AK7: variants seen among roughly 807,000 people sequenced by gnomAD.
The protein encoded by AK7 is adenylate kinase 7, also known as ATP-AMP transphosphorylase 7.
A neutral mutation model predicts 96.6 loss-of-function variants in AK7; 78 were observed. The ratio of observed to expected loss-of-function variants is 0.81; its 90% confidence interval spans 0.67 to 0.97. The LOEUF is 0.97. AK7 is among the 50% of genes least tolerant of loss of function. AK7 has a pLI of 0.00. For missense variants in AK7, 855 were observed against 887.9 expected (o/e 0.96, Z 0.47); for synonymous variants, 302 against 317.2 (o/e 0.95, Z 0.51).
intron 1 of AK7, among the ~76,000 whole-genome samples, chr14:96,395,965 C>T (rs111589202): frequency 0.018 from 2,659 of 151,874 alleles, 80 homozygotes; most frequent in African/African-American, 0.061. Flanking sequence ...GCATGTGCCA[C>T]CATGCCCAGC....
At chr14:96,450,920 G>A (rs1300522999) in intron 9 of AK7, among the ~76,000 whole-genome samples, 12 of 151,704 alleles carry the variant, frequency 7.9e-5, no homozygotes, top group Non-Finnish European at 1.3e-4. Flanking sequence ...GACTACGGGC[G>A]CCTGCCACCA....
At chr14:96,487,114 C>G (rs1293455674) in intron 17 of AK7, 58 bp downstream of exon 17, 70 of 1,575,246 alleles carry the variant, frequency 4.4e-5, no homozygotes, top group Non-Finnish European at 6.0e-5. Context: ...GCGGCTTACA[C>G]CTGTAATCCC....
At chr14:96,453,113 A>G (rs893462018) in intron 10 of AK7, among the ~76,000 whole-genome samples, 6 of 150,880 alleles carry the variant, frequency 4.0e-5, no homozygotes, top group African/African-American at 7.4e-5. Flanking sequence ...ATTCTCTTGG[A>G]AAAAAAAACA....
chr14:96,421,628 T>C (rs1355902890), intron 5 of AK7: 2 of 150,186 alleles, frequency 1.3e-5, no homozygotes, highest in African/African-American at 4.9e-5. Context: ...TTTTTTGAGA[T>C]GGAGTCTCGC....
rs745873941 is a variant in AK7 at position 96,449,844 on chromosome 14, C to G, written c.913C>G (p.Pro305Ala). 6.2e-7 allele frequency: 1 copy of G among 1,611,056 alleles called. No individual in the cohort carries two copies. Among genetic ancestry groups the G allele is most frequent in the Non-Finnish European group, 8.5e-7 (1 of 1,178,632 alleles). The change falls in exon 9 of 18, where the codon CCC becomes GCC. Residue 305 changes from proline to alanine, a missense_variant. Transcript: ENST00000267584. ...TGGCCCTGGGAAAATCCAGAAAATACCCAGAGAAAATGCATACCTAACCAA... is the reference window on the plus strand; with the variant it reads ...TGGCCCTGGGAAAATCCAGAAAATAGCCAGAGAAAATGCATACCTAACCAA... ...NTGPGKIQKI[P>A]RENAYLTKDL...
intron 10 of AK7, among the ~76,000 whole-genome samples, chr14:96,452,058 G>A (rs1422973302): frequency 1.3e-5 from 2 of 152,104 alleles, no homozygotes; most frequent in Non-Finnish European, 2.9e-5. Flanking sequence ...AGTGGTCAGA[G>A]GACTCACTGG....
At chr14:96,435,880 G>A (rs959484923) in intron 5 of AK7, among the ~76,000 whole-genome samples, 1 of 152,216 alleles carries the variant, frequency 6.6e-6, no homozygotes. Context: ...AGCACCCAGA[G>A]ATGCTCTCCT....
chr14:96,398,972 C>CT (rs1425062806), intron 2 of AK7: 2 of 146,316 alleles, frequency 1.4e-5, no homozygotes, highest in Non-Finnish European at 3.1e-5. Flanking sequence ...GAGTGGCCTT[C>CT]TCTCTTTTTT....
chr14:96,458,759 A>T (rs909186920), intron 12 of AK7, among the ~76,000 whole-genome samples: 1 of 151,086 alleles, frequency 6.6e-6, no homozygotes, highest in African/African-American at 2.4e-5. Context: ...AAAAAAAAAA[A>T]AATTAGCTGA....
chr14:96,404,644 C>T, intron 2 of AK7, 113 bp from the exon 3 acceptor site: 1 of 525,980 alleles, frequency 1.9e-6, no homozygotes, highest in Non-Finnish European at 3.4e-6. Context: ...GCAAGTGTTT[C>T]CTGTGGGACT....
intron 8 of AK7, among the ~76,000 whole-genome samples, chr14:96,447,039 G>A (rs1164047144): frequency 1.3e-5 from 2 of 152,184 alleles, no homozygotes; most frequent in African/African-American, 2.4e-5. Context: ...AAGAATATCC[G>A]TAAAACCCAA....
intron 2 of AK7, among the ~76,000 whole-genome samples, chr14:96,404,161 A>C (rs1350556453): frequency 1.1e-4 from 17 of 151,588 alleles, no homozygotes; most frequent in South Asian, 4.2e-4. Flanking sequence ...AAAAAAAAAA[A>C]AAAAAAAAAA....
intron 1 of AK7, among the ~76,000 whole-genome samples, chr14:96,395,488 G>A (rs1443340): frequency 6.6e-6 from 1 of 151,882 alleles, no homozygotes; most frequent in Non-Finnish European, 1.5e-5. Flanking sequence ...AGTTCAAACC[G>A]GTGTTGTTCA....
At chr14:96,445,436 G>A (rs1032442964) in intron 7 of AK7, among the ~76,000 whole-genome samples, 1 of 152,162 alleles carries the variant, frequency 6.6e-6, no homozygotes, top group Admixed American at 6.5e-5. Context: ...AAGGTGGGAG[G>A]TTCGCCTGAG....
intron 12 of AK7, among the ~76,000 whole-genome samples, chr14:96,461,661 G>T (rs566686945): frequency 6.6e-6 from 1 of 151,282 alleles, no homozygotes; most frequent in Non-Finnish European, 1.5e-5. Flanking sequence ...GTGTGATCTC[G>T]GCTCACTGCA....
chr14:96,405,037 G>C lies in AK7; in HGVS notation c.403+172G>C, dbSNP rs75775460. The C allele has an allele frequency of 3.7e-3, 1,370 of 370,780 alleles. 18 individuals are homozygous for C. Among genetic ancestry groups the C allele is most frequent in the African/African-American group, 0.025 (1,234 of 49,040 alleles). The allele number at this position is 370,780 out of a possible 1,614,324, so 23.0% of individuals were successfully genotyped here. A position where few individuals can be genotyped will look rare whatever the true frequency, so the allele number is the denominator to read the frequency against. On this transcript the variant is annotated intron_variant, in intron 3 of 17. Transcript: ENST00000267584. ...TATGGATAGATACTTCTGAAGAATA[G>C]AATATTTTTAATTATCAAAAAAATG...
chr14:96,417,796 A>C (rs1347724158), intron 4 of AK7, among the ~76,000 whole-genome samples: 2 of 152,160 alleles, frequency 1.3e-5, no homozygotes, highest in Non-Finnish European at 2.9e-5. Context: ...CTGATATATC[A>C]ATAAAAAACA....
At position 96,478,259 on chromosome 14, in the gene AK7, T is replaced by C. The variant is rs1895295794; in HGVS notation, c.1556-206T>C. 2.6e-5 allele frequency among the ~76,000 whole-genome samples: 4 copies of C among 151,910 alleles called. No homozygotes were observed. The South Asian group carries it at 8.3e-4, about 32-fold the overall frequency. On this transcript the variant is annotated intron_variant, in intron 14 of 17. Coordinates refer to ENST00000267584, the MANE Select transcript of AK7 (RefSeq NM_152327.5). ...AGGGAAAATAATAGATTGCACAAAATACTAATTGGGCCTCATAGGGTGGTC... is the reference window on the plus strand; with the variant it reads ...AGGGAAAATAATAGATTGCACAAAACACTAATTGGGCCTCATAGGGTGGTC...
chr14:96,400,834 C>T (rs147912665), intron 2 of AK7, among the ~76,000 whole-genome samples: 8 of 152,290 alleles, frequency 5.3e-5, no homozygotes, highest in East Asian at 3.9e-4. Context: ...GTTAATTTCC[C>T]GCAGGCTGAG....
Sources: gnomAD v4.1 joint callset for allele counts (sites outside exome capture counted in the v4.1 genomes callset) on GRCh38, gnomAD v4.1.1 for gene constraint, MANE v1.5 for transcripts, NCBI Gene and HGNC (gene_info 2026-07-23, HGNC 2026-07-21) for gene names.